Variants in CLVS1 observed in about 807,000 individuals in gnomAD.
CLVS1 encodes the protein clavesin 1.
CLVS1 carries 10 observed loss-of-function variants against 33.1 expected under a neutral mutation model. The ratio of observed to expected loss-of-function variants is 0.30; its 90% CI spans 0.19 to 0.51. The LOEUF (loss-of-function observed/expected upper bound fraction) is 0.51. Ranked by LOEUF, CLVS1 falls within the 20% of genes least tolerant of loss-of-function variation. The pLI is 0.97. For missense variants in CLVS1, 343 were observed against 433.4 expected, an observed-to-expected ratio of 0.79 and a Z score of 1.85; for synonymous variants, 163 against 166.1, an observed-to-expected ratio of 0.98 and a Z score of 0.14.
chr8:61,148,098 T>A (rs1806454825), intron 2 of CLVS1, among the ~76,000 whole-genome samples: 2 of 152,266 alleles, frequency 1.3e-5, no homozygotes, highest in Admixed American at 1.3e-4. Flanking sequence ...GCATTGGTTC[T>A]TAAGGATGTC....
At chr8:61,204,023 T>C (rs1426386216) in intron 2 of CLVS1, among the ~76,000 whole-genome samples, 1 of 152,228 alleles carries the variant, frequency 6.6e-6, no homozygotes, top group Non-Finnish European at 1.5e-5. Flanking sequence ...GGCCCATTTT[T>C]CAGATGACAG....
chr8:61,059,754 T>A (rs1585578462), intron 1 of CLVS1, among the ~76,000 whole-genome samples: 1 of 146,994 alleles, frequency 6.8e-6, no homozygotes, highest in African/African-American at 2.5e-5. Context: ...GAGGTTGCAG[T>A]GAGCCGAGAT....
intron 2 of CLVS1, 31 bp from the exon 3 acceptor site, chr8:61,376,574 C>T: frequency 6.2e-7 from 1 of 1,602,280 alleles, no homozygotes; most frequent in Non-Finnish European, 8.5e-7. Context: ...CTCATATTCA[C>T]ACACAGCTCT....
At chr8:61,045,412 T>C in the CLVS1 span, among the ~76,000 whole-genome samples, 1 of 152,164 alleles carries the variant, frequency 6.6e-6, no homozygotes, top group South Asian at 2.1e-4. Context: ...AGACAAACTT[T>C]ATGGCAAAGG....
At chr8:61,012,067 C>A in the CLVS1 span, among the ~76,000 whole-genome samples, 2 of 152,190 alleles carry the variant, frequency 1.3e-5, no homozygotes, top group Non-Finnish European at 2.9e-5. Context: ...ACCCAGAATC[C>A]GCTCACCCAG....
At chr8:61,271,237 AG>A (rs1395799327) in intron 2 of CLVS1, among the ~76,000 whole-genome samples, 1 of 150,300 alleles carries the variant, frequency 6.7e-6, no homozygotes, top group Non-Finnish European at 1.5e-5. Context: ...TTGGTTTCAA[AG>A]AACATCTTTA....
the CLVS1 span, among the ~76,000 whole-genome samples, chr8:61,030,019 T>G: frequency 1.3e-5 from 2 of 152,192 alleles, no homozygotes; most frequent in Admixed American, 1.3e-4. Flanking sequence ...CAGGCGCCAC[T>G]GGAGGCCTCC....
At chr8:61,369,439 CT>C (rs949384896) in intron 2 of CLVS1, among the ~76,000 whole-genome samples, 2 of 152,140 alleles carry the variant, frequency 1.3e-5, no homozygotes, top group Non-Finnish European at 2.9e-5. Flanking sequence ...AAGAGAGTGT[CT>C]CACGTGAATT....
chr8:61,441,956 T>C (rs1816567509), intron 3 of CLVS1, among the ~76,000 whole-genome samples: 1 of 152,188 alleles, frequency 6.6e-6, no homozygotes, highest in South Asian at 2.1e-4. Context: ...TGGCACTTTT[T>C]GGTTTCTTTT....
At chr8:61,376,305 C>A (rs1813638762) in intron 2 of CLVS1, among the ~76,000 whole-genome samples, 1 of 152,146 alleles carries the variant, frequency 6.6e-6, no homozygotes, top group African/African-American at 2.4e-5. Context: ...TGCATTTCAA[C>A]AAAATGCAAT....
At chr8:61,444,840 T>C (rs775439584) in intron 3 of CLVS1, among the ~76,000 whole-genome samples, 103 of 152,210 alleles carry the variant, frequency 6.8e-4, no homozygotes, top group Non-Finnish European at 6.6e-4. Flanking sequence ...GTAGGTGTTG[T>C]TGCTAGTTGT....
chr8:61,385,729 T>TGTAATTTCAGTACATTTCACTTC (rs1814056779), intron 3 of CLVS1, among the ~76,000 whole-genome samples: 1 of 152,236 alleles, frequency 6.6e-6, no homozygotes, highest in African/African-American at 2.4e-5. Flanking sequence ...GATTTTTTCA[T>TGTAATTTCAGTACATTTCACTTC]AATGTAACAG....
chr8:60,965,531 C>A, the CLVS1 span, among the ~76,000 whole-genome samples: 2 of 151,954 alleles, frequency 1.3e-5, no homozygotes, highest in Non-Finnish European at 2.9e-5. Context: ...GAAGAGCACT[C>A]GGGAGCCCCA....
At chr8:61,427,607 C>G (rs1347497078) in intron 3 of CLVS1, among the ~76,000 whole-genome samples, 2 of 152,170 alleles carry the variant, frequency 1.3e-5, no homozygotes, top group Admixed American at 6.5e-5. Context: ...GTCTTGCTCT[C>G]CATTTTGGGG....
chr8:61,234,257 G>T (rs1371674890), intron 2 of CLVS1, among the ~76,000 whole-genome samples: 2 of 152,292 alleles, frequency 1.3e-5, no homozygotes, highest in African/African-American at 4.8e-5. Context: ...TGGACTGTGT[G>T]CGTGCGTATT....
intron 2 of CLVS1, among the ~76,000 whole-genome samples, chr8:61,134,276 G>A (rs1057245772): frequency 2.6e-5 from 4 of 152,322 alleles, no homozygotes; most frequent in African/African-American, 9.6e-5. Context: ...CAGTGCCTCA[G>A]TGGGGCCCAA....
intron 4 of CLVS1, 76 bp from the exon 5 acceptor site, chr8:61,458,231 A>G (rs1817237202): frequency 9.1e-7 from 1 of 1,095,214 alleles, no homozygotes; most frequent in East Asian, 2.4e-5. Flanking sequence ...GTCATGGCTA[A>G]ATTGTGTATT....
chr8:61,457,058 C>A (rs1166342509), intron 4 of CLVS1, among the ~76,000 whole-genome samples: 1 of 151,870 alleles, frequency 6.6e-6, no homozygotes, highest in East Asian at 2.0e-4. Flanking sequence ...CTTCTCCAGC[C>A]TCCTGAGTAG....
chr8:61,047,187 C>A, the CLVS1 span, among the ~76,000 whole-genome samples: 2 of 152,124 alleles, frequency 1.3e-5, no homozygotes, highest in Admixed American at 1.3e-4. Context: ...ATTTATGCAG[C>A]CAAAAAACAC....
Sources: allele counts gnomAD v4.1 joint callset (sites outside exome capture counted in the v4.1 genomes callset), GRCh38; gene constraint gnomAD v4.1.1; transcripts MANE v1.5; gene names NCBI Gene and HGNC (gene_info 2026-07-23, HGNC 2026-07-21).